Variants in LIAS observed in about 807,000 individuals in gnomAD.
The protein encoded by LIAS is lipoyl synthase, mitochondrial.
Under a neutral mutation model 49.4 loss-of-function variants are expected in LIAS, and 36 were observed. The observed-to-expected ratio is 0.73, with a 90% CI of 0.56 to 0.96. LIAS has a LOEUF of 0.96. Ranked by LOEUF, LIAS falls within the 40% of genes least tolerant of loss-of-function variation. The pLI, the probability that LIAS is intolerant of heterozygous loss-of-function variation, is 0.00. For missense variants in LIAS, 399 were observed against 456.3 expected (o/e 0.87, Z 1.14); for synonymous variants, 145 against 155.8 (o/e 0.93, Z 0.52).
intron 1 of LIAS, among the ~76,000 whole-genome samples, chr4:39,459,574 C>T (rs1744336659): frequency 6.6e-6 from 1 of 152,132 alleles, no homozygotes; most frequent in South Asian, 2.1e-4. Context: ...CGTGCAACAC[C>T]CTAACAGGCA....
In LIAS at chr4:39,477,381, TAGTC is replaced by T. The variant is rs1461803295; in HGVS notation, c.*269_*272del. On this transcript the variant is annotated 3_prime_UTR_variant, in exon 11 of 11. Transcript: ENST00000640888. ...CTGTCTCCACTAAAAACACAAAAAT[TAGTC>T]AGGCGTGGTAGTGGGTGCCTGTAAT... 3.3e-6 allele frequency: 1 copy of T among 305,686 alleles called. No homozygotes were observed. Among genetic ancestry groups the T allele is most frequent in the Non-Finnish European group, 6.0e-6 (1 of 166,452 alleles). The allele number at this position is 305,686 out of a possible 1,614,324, so 18.9% of individuals were successfully genotyped here.
In LIAS at chr4:39,477,446, T is replaced by C. The variant is rs956325338; in HGVS notation, c.*331T>C. The C allele has an allele frequency of 9.7e-6, 2 of 206,642 alleles. No homozygotes were observed. Among genetic ancestry groups the C allele is most frequent in the South Asian group, 8.1e-5 (1 of 12,364 alleles). 12.8% of individuals were successfully genotyped at this position (206,642 alleles called of 1,614,324 possible). ...CGGGAGGCTAAGGCAGGAGAATCAC[T>C]TGAACCTGGGAGGGGGAGGTTGCAG... is the stretch of plus-strand genomic sequence containing the variant. On this transcript the variant is annotated 3_prime_UTR_variant, in exon 11 of 11. Transcript: ENST00000640888.
chr4:39,463,801 T>C (rs1018627520), intron 4 of LIAS, 196 bp downstream of exon 4: 2 of 1,123,584 alleles, frequency 1.8e-6, no homozygotes, highest in East Asian at 6.6e-5. Context: ...ATAAATCTAT[T>C]ATTGGTTCTT....
In LIAS at chr4:39,460,888, T is replaced by C. The variant is rs745864982; in HGVS notation, c.144T>C (p.Phe48=). ...LLQNGPDLQD[F]VSGDLADRST... is the part of the protein sequence containing the mutation. ...AGAATGGACCAGACCTTCAAGATTT[T>C]GTATCTGGTGATCTTGCAGACAGGA... The change falls in exon 2 of 11, where the codon TTT becomes TTC. Residue 48 remains phenylalanine, a synonymous_variant. Transcript: ENST00000640888. 1 of 1,613,488 alleles carries C rather than the reference T, an allele frequency of 6.2e-7. No homozygotes were observed. The highest frequency in any genetic ancestry group is 1.1e-5 in the South Asian group (1 of 90,920).
intron 10 of LIAS, chr4:39,473,728 C>T (rs921428229): frequency 6.6e-6 from 1 of 152,100 alleles, no homozygotes; most frequent in African/African-American, 2.4e-5. Flanking sequence ...TATTTTTCTC[C>T]GTAGGAACGT....
At chr4:39,473,029 A>T in intron 9 of LIAS, 71 bp from the exon 10 acceptor site, 1 of 884,378 alleles carries the variant, frequency 1.1e-6, no homozygotes, top group South Asian at 1.5e-5. Context: ...TTCTGCATAC[A>T]TAGGTATAGA....
chr4:39,467,239 A>C (rs1744792113), intron 6 of LIAS: 2 of 185,198 alleles, frequency 1.1e-5, no homozygotes, highest in Non-Finnish European at 2.2e-5. Context: ...TCTAAAACCT[A>C]CTTAAATTAG....
chr4:39,465,218 T>C lies in LIAS; in HGVS notation c.550+16T>C. ...GATCGAGATGGTTAGTGTGTCATCA[T>C]GGCCTCTACCAGAAACTGGCTCTAA... is the stretch of plus-strand genomic sequence containing the variant. On this transcript the variant is annotated intron_variant, in intron 5 of 10. Transcript: ENST00000640888. 2 of 1,613,020 alleles carry C rather than the reference T, an allele frequency of 1.2e-6. No homozygotes were observed. Among genetic ancestry groups the C allele is most frequent in the Non-Finnish European group, 8.5e-7 (1 of 1,179,218 alleles).
chr4:39,459,065 C>T lies in LIAS; in HGVS notation c.-53C>T. 2 of 1,602,140 alleles carry T rather than the reference C, an allele frequency of 1.2e-6. No individual in the cohort carries two copies. Among genetic ancestry groups the T allele is most frequent in the Non-Finnish European group, 1.7e-6 (2 of 1,169,066 alleles). On this transcript the variant is annotated 5_prime_UTR_variant, in exon 1 of 11. Transcript: ENST00000640888. ...GCGACGTAATTTCGACCTGTCCTTT[C>T]CCGGGAGTTAGCGATCCCTCAACCC...
intron 7 of LIAS, chr4:39,469,439 G>C (rs114957757): frequency 6.6e-6 from 1 of 152,196 alleles, no homozygotes; most frequent in Admixed American, 6.5e-5. Context: ...AGCCATGGTG[G>C]TTTGGCCATT....
chr4:39,468,871 CAAAAAAAAA>C (rs11386370), intron 7 of LIAS: 3 of 125,488 alleles, frequency 2.4e-5, no homozygotes, highest in Non-Finnish European at 3.3e-5. Context: ...AACTTTGTCT[CAAAAAAAAA>C]AAAAAAGAAA....
chr4:39,459,970 A>G (rs548321951), intron 1 of LIAS, among the ~76,000 whole-genome samples: 5 of 151,972 alleles, frequency 3.3e-5, no homozygotes, highest in Non-Finnish European at 7.4e-5. Context: ...AAAAAAAAAA[A>G]AAGAAAAAGA....
intron 8 of LIAS, 31 bp downstream of exon 8, chr4:39,470,195 C>T (rs1256371407): frequency 6.3e-7 from 1 of 1,587,406 alleles, no homozygotes; most frequent in Admixed American, 1.7e-5. Flanking sequence ...AAAATCTTTC[C>T]CATGTAATTT....
chr4:39,462,462 AAG>A (rs1744556240), intron 3 of LIAS, among the ~76,000 whole-genome samples, 173 bp downstream of exon 3: 1 of 152,158 alleles, frequency 6.6e-6, no homozygotes, highest in Non-Finnish European at 1.5e-5. Flanking sequence ...CCGGCAAACA[AAG>A]AGATTTTTTG....
rs186284041 is a variant in LIAS at position 39,477,299 on chromosome 4, C to T, written c.*184C>T. The T allele has an allele frequency of 8.8e-3, 4,377 of 495,212 alleles. 29 individuals are homozygous for T. Among genetic ancestry groups the T allele is most frequent in the Middle Eastern group, 0.026 (66 of 2,494 alleles). 30.7% of individuals were successfully genotyped at this position (495,212 alleles called of 1,614,324 possible). The stretch of plus-strand genomic sequence containing the variant: ...ATCCCAGCACTTTAGGAGGCCAAGG[C>T]GGGTGGATCACCTGAGGTCAGGAGT... On this transcript the variant is annotated 3_prime_UTR_variant, in exon 11 of 11. Transcript: ENST00000640888.
rs1744280738 is a variant in LIAS at position 39,459,068 on chromosome 4, G to C, written c.-50G>C. 1.2e-6 allele frequency: 2 copies of C among 1,604,718 alleles called. No individual in the cohort carries two copies. Among genetic ancestry groups the C allele is most frequent in the African/African-American group, 1.3e-5 (1 of 74,856 alleles). On this transcript the variant is annotated 5_prime_UTR_variant, in exon 1 of 11. Coordinates refer to ENST00000640888, the MANE Select transcript of LIAS (RefSeq NM_006859.4). ...ACGTAATTTCGACCTGTCCTTTCCC[G>C]GGAGTTAGCGATCCCTCAACCCCTG...
At chr4:39,467,407 C>T in intron 6 of LIAS, 111 bp from the exon 7 acceptor site, 4 of 1,008,410 alleles carry the variant, frequency 4.0e-6, no homozygotes, top group Non-Finnish European at 5.5e-6. Context: ...TGACAAAGTT[C>T]TAAAGGTTAC....
chr4:39,463,769 T>G (rs916708882), intron 4 of LIAS, 164 bp downstream of exon 4: 75 of 1,293,472 alleles, frequency 5.8e-5, no homozygotes, highest in Non-Finnish European at 7.0e-5. Flanking sequence ...ATCCAACCTG[T>G]TGTAATCTCA....
At chr4:39,465,570 G>C (rs975991792) in intron 6 of LIAS, among the ~76,000 whole-genome samples, 6 of 152,140 alleles carry the variant, frequency 3.9e-5, no homozygotes, top group African/African-American at 1.4e-4. Flanking sequence ...CTTACCCATA[G>C]ACCTTTAGCC....
Sources: allele counts gnomAD v4.1 joint callset (sites outside exome capture counted in the v4.1 genomes callset), GRCh38; gene constraint gnomAD v4.1.1; transcripts MANE v1.5; gene names NCBI Gene and HGNC (gene_info 2026-07-23, HGNC 2026-07-21).